Variants in PEBP4 observed in about 807,000 individuals in gnomAD.
The protein encoded by PEBP4 is phosphatidylethanolamine binding protein 4.
A neutral mutation model predicts 23.9 loss-of-function variants in PEBP4; 22 were observed. That is an observed-to-expected ratio of 0.92 (90% CI 0.66 to 1.31). The LOEUF (loss-of-function observed/expected upper bound fraction) is 1.31. Among genes scored for constraint, PEBP4 ranks in the 40% most tolerant of loss-of-function variants. PEBP4 has a pLI of 0.00. For missense variants in PEBP4, 324 were observed against 281.7 expected (o/e 1.15, Z -1.07); for synonymous variants, 112 against 99.3 (o/e 1.13, Z -0.76).
chr8:22,734,901 C>T (rs770326971), intron 4 of PEBP4, among the ~76,000 whole-genome samples: 1 of 152,172 alleles, frequency 6.6e-6, no homozygotes, highest in Non-Finnish European at 1.5e-5. Context: ...CAGAGCGTCA[C>T]CACCCTCCAT....
At chr8:22,768,227 G>C (rs1050001822) in intron 4 of PEBP4, among the ~76,000 whole-genome samples, 1 of 152,138 alleles carries the variant, frequency 6.6e-6, no homozygotes, top group Non-Finnish European at 1.5e-5. Flanking sequence ...GACTGCCCAC[G>C]AACACTTCTT....
At chr8:22,911,541 T>C (rs1009613) in intron 3 of PEBP4, among the ~76,000 whole-genome samples, 32,921 of 152,130 alleles carry the variant, frequency 0.22, 4,167 homozygotes, top group East Asian at 0.34. Flanking sequence ...ACTGCTCTTC[T>C]AAAAATCTGC....
At chr8:22,757,810 G>A (rs1329978703) in intron 4 of PEBP4, 2 of 152,232 alleles carry the variant, frequency 1.3e-5, no homozygotes, top group African/African-American at 4.8e-5. Context: ...CGTATGAGAA[G>A]AGCAGGGTGG....
At position 22,817,647 on chromosome 8, in the gene PEBP4, G is replaced by A; in HGVS notation, c.347C>T (p.Thr116Ile). ...RQRFWRHWLVTDIKGADLKKG... is the reference protein window; with the variant it reads ...RQRFWRHWLVIDIKGADLKKG... ...TCTTGGCCTGCTTACCTTGATATCT[G>A]TTACCAGCCAATGTCTCCAGAATCT... The change falls in exon 4 of 7, where the codon ACA (threonine) becomes ATA (isoleucine). Residue 116 changes from threonine to isoleucine, a missense_variant. Coordinates refer to ENST00000256404, the MANE Select transcript of PEBP4 (RefSeq NM_144962.3). 1.2e-6 allele frequency: 2 copies of A among 1,614,004 alleles called. No homozygotes were observed. Among genetic ancestry groups the A allele is most frequent in the Non-Finnish European group, 8.5e-7 (1 of 1,179,906 alleles).
At chr8:22,843,247 G>A (rs1456614944) in intron 3 of PEBP4, among the ~76,000 whole-genome samples, 1 of 152,218 alleles carries the variant, frequency 6.6e-6, no homozygotes, top group Non-Finnish European at 1.5e-5. Flanking sequence ...ACAGGTGTAA[G>A]CCACTGCGCC....
chr8:22,810,713 T>TGAGA (rs1261621853), intron 4 of PEBP4, among the ~76,000 whole-genome samples: 243 of 126,276 alleles, frequency 1.9e-3, no homozygotes, highest in Middle Eastern at 3.9e-3. Flanking sequence ...TGTGTGTGTG[T>TGAGA]GAGAGAGAGA....
intron 1 of PEBP4, among the ~76,000 whole-genome samples, chr8:22,937,790 GTGTA>G (rs1398843745): frequency 1.3e-5 from 1 of 77,614 alleles, no homozygotes; most frequent in Non-Finnish European, 2.6e-5. Context: ...ATGTGTGTAT[GTGTA>G]TGTATGTGTG....
At chr8:22,805,786 A>AT (rs58399291) in intron 4 of PEBP4, among the ~76,000 whole-genome samples, 40,573 of 151,124 alleles carry the variant, frequency 0.27, 5,632 homozygotes, top group South Asian at 0.38. Context: ...AATAAAGTCT[A>AT]TTTTTTTTTA....
At chr8:22,738,603 C>T (rs567386309) in intron 4 of PEBP4, among the ~76,000 whole-genome samples, 63 of 152,104 alleles carry the variant, frequency 4.1e-4, no homozygotes, top group Non-Finnish European at 6.5e-4. Context: ...AGGCTGGGTC[C>T]GAGAGGGCCA....
intron 3 of PEBP4, among the ~76,000 whole-genome samples, chr8:22,906,119 G>A (rs2128777819): frequency 6.6e-6 from 1 of 152,204 alleles, no homozygotes; most frequent in African/African-American, 2.4e-5. Flanking sequence ...AGAGATGCAG[G>A]TCTTCACTTC....
rs540987246 is a variant in PEBP4 at position 22,732,156 on chromosome 8, G to A, written c.358-4936C>T. Among the ~76,000 whole-genome samples the A allele has an allele frequency of 2.6e-5, 4 of 152,208 alleles. No homozygotes were observed. In the East Asian group the frequency reaches 7.7e-4, roughly 29 times the overall value. On this transcript the variant is annotated intron_variant, in intron 4 of 6. Coordinates refer to ENST00000256404, the MANE Select transcript of PEBP4 (RefSeq NM_144962.3). ...TAGGAGGACATTCTGGGCCTTCTAA[G>A]TTTGGGACTGGAGGGCCCGGGGAAG...
chr8:22,740,175 G>A (rs1316337875), intron 4 of PEBP4, among the ~76,000 whole-genome samples: 1 of 152,158 alleles, frequency 6.6e-6, no homozygotes, highest in Non-Finnish European at 1.5e-5. Context: ...TGGATGGAAG[G>A]AAAAAGAGAC....
At position 22,800,456 on chromosome 8, in the gene PEBP4, G is replaced by A. The variant is rs561115972; in HGVS notation, c.357+17181C>T. Among the ~76,000 whole-genome samples, 5 of 152,050 alleles carry A rather than the reference G, an allele frequency of 3.3e-5. 1 individual carries two copies. The highest frequency in any genetic ancestry group is 1.2e-4 in the African/African-American group (5 of 41,478). ...TACGGTCTACAAATCTAGGATGCAGGGAAGCATCCCTCATCTGTGCCATCA... is the reference window on the plus strand; with the variant it reads ...TACGGTCTACAAATCTAGGATGCAGAGAAGCATCCCTCATCTGTGCCATCA... On this transcript the variant is annotated intron_variant, in intron 4 of 6. Transcript: ENST00000256404.
chr8:22,801,313 C>CACAGAGGCAGGTGACTGGT (rs1324250590), intron 4 of PEBP4, among the ~76,000 whole-genome samples: 8 of 152,114 alleles, frequency 5.3e-5, no homozygotes, highest in Non-Finnish European at 1.2e-4. Flanking sequence ...GACTGGGGCT[C>CACAGAGGCAGGTGACTGGT]ACAGAGGCAG....
At chr8:22,885,918 C>T (rs1303300764) in intron 3 of PEBP4, 1 of 152,188 alleles carries the variant, frequency 6.6e-6, no homozygotes, top group African/African-American at 2.4e-5. Context: ...GCTTCCTAGT[C>T]ACAGACCGCC....
At chr8:22,824,772 G>A (rs746201303) in intron 3 of PEBP4, among the ~76,000 whole-genome samples, 7 of 152,152 alleles carry the variant, frequency 4.6e-5, no homozygotes, top group Admixed American at 2.6e-4. Flanking sequence ...GTGCTCCTAT[G>A]AGACTCTAAT....
intron 4 of PEBP4, among the ~76,000 whole-genome samples, chr8:22,751,741 A>T (rs1805270858): frequency 6.6e-6 from 1 of 152,052 alleles, no homozygotes. Context: ...CTGTTCCTAA[A>T]ACAAAGCAGT....
intron 3 of PEBP4, among the ~76,000 whole-genome samples, chr8:22,875,273 G>T (rs149906443): frequency 6.6e-6 from 1 of 151,994 alleles, no homozygotes; most frequent in East Asian, 1.9e-4. Flanking sequence ...TAGTATTTTA[G>T]AAATAATGTA....
At chr8:22,718,852 G>C (rs1451787891) in intron 6 of PEBP4, among the ~76,000 whole-genome samples, 1 of 152,118 alleles carries the variant, frequency 6.6e-6, no homozygotes, top group Non-Finnish European at 1.5e-5. Flanking sequence ...TTCCCTCCAT[G>C]CTTCCTGACA....
Sources: allele counts gnomAD v4.1 joint callset (sites outside exome capture counted in the v4.1 genomes callset), GRCh38; gene constraint gnomAD v4.1.1; transcripts MANE v1.5; gene names NCBI Gene and HGNC (gene_info 2026-07-23, HGNC 2026-07-21).